The following AK8 variants were observed in gnomAD, a reference collection of about 807,000 sequenced individuals.
The protein encoded by AK8 is adenylate kinase 8.
In AK8, 44 loss-of-function variants were observed where a neutral mutation model predicts 54.6. The observed-to-expected ratio is 0.81, with a 90% confidence interval of 0.63 to 1.04. AK8 has a LOEUF of 1.04. AK8 is among the 50% of genes least tolerant of loss of function. The pLI, the probability that AK8 is intolerant of heterozygous loss-of-function variation, is 0.00. For synonymous variants in AK8, 239 were observed against 245.6 expected (o/e 0.97, Z 0.25); for missense variants, 555 against 613.6 (o/e 0.90, Z 1.01).
At chr9:132,816,708 C>T (rs1161331035) in intron 9 of AK8, among the ~76,000 whole-genome samples, 2 of 152,184 alleles carry the variant, frequency 1.3e-5, no homozygotes, top group Non-Finnish European at 2.9e-5. Flanking sequence ...CATTGGACAA[C>T]AGAGAGACAG....
chr9:132,831,179 T>G (rs757095626), intron 5 of AK8, among the ~76,000 whole-genome samples: 1 of 152,152 alleles, frequency 6.6e-6, no homozygotes, highest in Non-Finnish European at 1.5e-5. Context: ...TCTAGTAAAA[T>G]ACGCTCTCCC....
At chr9:132,872,122 C>G (rs1434834093) in intron 2 of AK8, among the ~76,000 whole-genome samples, 2 of 152,066 alleles carry the variant, frequency 1.3e-5, no homozygotes, top group Non-Finnish European at 2.9e-5. Flanking sequence ...ATCACTTGAG[C>G]CTAGGAGCAG....
At chr9:132,795,404 C>G (rs971103190) in intron 10 of AK8, among the ~76,000 whole-genome samples, 1 of 152,174 alleles carries the variant, frequency 6.6e-6, no homozygotes, top group Non-Finnish European at 1.5e-5. Context: ...GGAGCCAGCT[C>G]TGAGATTACT....
chr9:132,778,878 A>G (rs990493498), intron 11 of AK8, among the ~76,000 whole-genome samples: 2 of 152,146 alleles, frequency 1.3e-5, no homozygotes, highest in Admixed American at 1.3e-4. Flanking sequence ...TGAAAAAAAA[A>G]AAATTTCCAG....
At chr9:132,727,057 A>C (rs1836609768) in intron 12 of AK8, among the ~76,000 whole-genome samples, 1 of 152,120 alleles carries the variant, frequency 6.6e-6, no homozygotes, top group African/African-American at 2.4e-5. Flanking sequence ...AACTATGGGA[A>C]GCCTCAAAGG....
chr9:132,835,277 A>G (rs989599127), intron 5 of AK8, among the ~76,000 whole-genome samples: 1 of 152,216 alleles, frequency 6.6e-6, no homozygotes, highest in Non-Finnish European at 1.5e-5. Context: ...CAGTTTGAAG[A>G]ACAAATTGTT....
chr9:132,741,576 G>T (rs1837395188), intron 11 of AK8, among the ~76,000 whole-genome samples: 1 of 152,200 alleles, frequency 6.6e-6, no homozygotes, highest in Non-Finnish European at 1.5e-5. Flanking sequence ...GAGCTCAGCT[G>T]TAAGGGGTGG....
intron 11 of AK8, among the ~76,000 whole-genome samples, chr9:132,753,272 T>C (rs555089506): frequency 1.9e-4 from 29 of 152,304 alleles, no homozygotes; most frequent in Admixed American, 1.7e-3. Flanking sequence ...ATCTTGCCGC[T>C]CCACTGCCAA....
In AK8 at chr9:132,732,130, G is replaced by T. The variant is rs570982672; in HGVS notation, c.1122-4596C>A. Reference sequence around the variant, plus strand: ...TATTGTGTAAATTGGCCTACAAAGTGCTCTGTGGTGTTTTTAATATCTCAA... The same window carrying T: ...TATTGTGTAAATTGGCCTACAAAGTTCTCTGTGGTGTTTTTAATATCTCAA... On this transcript the variant is annotated intron_variant, in intron 11 of 12. Coordinates refer to ENST00000298545, the MANE Select transcript of AK8 (RefSeq NM_152572.3). Among the ~76,000 whole-genome samples, 4 of 143,620 alleles carry T rather than the reference G, an allele frequency of 2.8e-5. No homozygotes were observed. In the Admixed American group the frequency reaches 2.9e-4, roughly 10 times the overall value. 94.2% of individuals were successfully genotyped at this position (143,620 alleles called of 152,430 possible).
At position 132,799,144 on chromosome 9, in the gene AK8, C is replaced by G. The variant is rs1254533923; in HGVS notation, c.980-6369G>C. Among the ~76,000 whole-genome samples, 2 of 152,166 alleles carry G rather than the reference C, an allele frequency of 1.3e-5. No homozygotes were observed. The highest frequency in any genetic ancestry group is 3.8e-4 in the East Asian group (2 of 5,196). ...CAGCTTGCGGTTTTCCAGCAGGCAC[C>G]AGAGGCCCCTCCTGCTGCGCCACGC... On this transcript the variant is annotated intron_variant, in intron 10 of 12. Coordinates refer to ENST00000298545, the MANE Select transcript of AK8 (RefSeq NM_152572.3). The surrounding 1 kb of genome is among the most constrained non-coding windows in gnomAD (Gnocchi z 5.0).
intron 5 of AK8, among the ~76,000 whole-genome samples, chr9:132,833,128 CCT>C (rs753504140): frequency 3.9e-5 from 6 of 152,208 alleles, no homozygotes; most frequent in Non-Finnish European, 2.9e-5. Flanking sequence ...CTTGACCAAA[CCT>C]CTGTTGAAGG....
At chr9:132,745,017 G>A (rs1837574226) in intron 11 of AK8, among the ~76,000 whole-genome samples, 1 of 152,094 alleles carries the variant, frequency 6.6e-6, no homozygotes, top group Non-Finnish European at 1.5e-5. Context: ...ACAGCTCACA[G>A]ATTGAGTTTC....
At chr9:132,866,883 C>T in intron 3 of AK8, 21 bp downstream of exon 3, 1 of 1,611,570 alleles carries the variant, frequency 6.2e-7, no homozygotes, top group South Asian at 1.1e-5. Flanking sequence ...AGCATCACAA[C>T]ACTTAATATG....
In AK8 at chr9:132,828,030, AT is replaced by A. The variant is rs1841946291; in HGVS notation, c.538del (p.Ile180SerfsTer75). 1 of 1,567,808 alleles carries A rather than the reference AT, an allele frequency of 6.4e-7. No individual in the cohort carries two copies. The highest frequency in any genetic ancestry group is 1.2e-5 in the South Asian group (1 of 85,184). On this transcript the variant is annotated frameshift_variant, in exon 7 of 13. Transcript: ENST00000298545. LOFTEE classifies it high-confidence loss of function. ...AGCCATACCTCCAGTTTGAGGGTCG[AT>A]TCTCTTCCCCAAGTTTCTCTCGATC... The part of the protein sequence containing the change: ...VLIERNLGKR[I>X]DPQTGEIYHT...
chr9:132,857,197 G>A (rs73549201), intron 4 of AK8, among the ~76,000 whole-genome samples: 1 of 152,174 alleles, frequency 6.6e-6, no homozygotes, highest in African/African-American at 2.4e-5. Flanking sequence ...GCAACAGAAT[G>A]CTGGCAGAGC....
At chr9:132,824,810 T>A (rs192475386) in intron 8 of AK8, among the ~76,000 whole-genome samples, 9 of 152,356 alleles carry the variant, frequency 5.9e-5, no homozygotes, top group Non-Finnish European at 1.5e-5. Context: ...TGAGTTAGAA[T>A]GGACTTTTTT....
At chr9:132,763,194 G>A (rs916636298) in intron 11 of AK8, among the ~76,000 whole-genome samples, 2 of 152,204 alleles carry the variant, frequency 1.3e-5, no homozygotes, top group African/African-American at 4.8e-5. Context: ...CCGCTGGAGT[G>A]TGCCTTGCTT....
intron 11 of AK8, among the ~76,000 whole-genome samples, chr9:132,753,871 G>A (rs771417201): frequency 1.8e-4 from 28 of 152,224 alleles, no homozygotes; most frequent in Admixed American, 3.3e-4. Context: ...TACTCATCCA[G>A]TCTTTCCACT....
chr9:132,815,427 C>T (rs957178735), intron 9 of AK8, among the ~76,000 whole-genome samples: 2 of 152,170 alleles, frequency 1.3e-5, no homozygotes, highest in East Asian at 3.8e-4. Context: ...GTGGCATATA[C>T]CTGTAATCCC....
Sources: allele counts gnomAD v4.1 joint callset (sites outside exome capture counted in the v4.1 genomes callset), GRCh38; gene constraint gnomAD v4.1.1; non-coding constraint Gnocchi (gnomAD v3.1); transcripts MANE v1.5; gene names NCBI Gene and HGNC (gene_info 2026-07-23, HGNC 2026-07-21).